LRRC37A3: variants seen among roughly 807,000 people sequenced by gnomAD.
LRRC37A3 encodes leucine rich repeat containing 37 member A3, also known as leucine-rich repeat-containing protein 37A3.
A neutral mutation model predicts 106.2 loss-of-function variants in LRRC37A3; 25 were observed. The observed-to-expected ratio is 0.24, with a 90% CI of 0.17 to 0.33. The LOEUF (loss-of-function observed/expected upper bound fraction) is 0.33. LRRC37A3 is among the 10% of genes least tolerant of loss of function. The probability of loss-of-function intolerance (pLI) is 1.00; values close to 1 mark genes in which losing one functional copy is unlikely to be tolerated. For synonymous variants in LRRC37A3, 305 were observed against 635.8 expected, an observed-to-expected ratio of 0.48 and a Z score of 7.83; for missense variants, 712 against 1,644.9, an observed-to-expected ratio of 0.43 and a Z score of 9.81.
intron 2 of LRRC37A3, among the ~76,000 whole-genome samples, chr17:64,917,716 C>T (rs1367635991): frequency 1.3e-5 from 2 of 152,128 alleles, no homozygotes; most frequent in African/African-American, 2.4e-5. Context: ...CCTGTAATCC[C>T]GGCACTATGG....
rs1351218339 is a variant in LRRC37A3 at position 64,904,775 on chromosome 17, CCAA to C, written c.-495-6319_-495-6317del. On this transcript the variant is annotated intron_variant, in intron 2 of 14. Transcript: ENST00000584306. Reference sequence around the variant, plus strand: ...CTTGTAATCCCAGCACTTTGGGAGGCCAAGGCAGGCAGATCACGAGGTCAGGAG... The same window carrying C: ...CTTGTAATCCCAGCACTTTGGGAGGCGGCAGGCAGATCACGAGGTCAGGAG... Among the ~76,000 whole-genome samples, 4 of 114,692 alleles carry C rather than the reference CCAA, an allele frequency of 3.5e-5. No individual in the cohort carries two copies. In the East Asian group the frequency reaches 8.7e-4, roughly 25 times the overall value. The allele number at this position is 114,692 out of a possible 152,430, so 75.2% of individuals were successfully genotyped here.
chr17:64,868,243 A>AC (rs1973184428), intron 10 of LRRC37A3, among the ~76,000 whole-genome samples: 2 of 152,158 alleles, frequency 1.3e-5, no homozygotes, highest in Non-Finnish European at 2.9e-5. Flanking sequence ...CTACAAAGGG[A>AC]CAGGAGGGGC....
intron 2 of LRRC37A3, among the ~76,000 whole-genome samples, chr17:64,918,423 G>A (rs921527930): frequency 6.6e-6 from 1 of 151,584 alleles, no homozygotes; most frequent in African/African-American, 2.4e-5. Flanking sequence ...AATGGTAAAG[G>A]CAATGTAATT....
At chr17:64,868,178 G>A (rs1188600847) in intron 10 of LRRC37A3, among the ~76,000 whole-genome samples, 1 of 152,168 alleles carries the variant, frequency 6.6e-6, no homozygotes, top group Non-Finnish European at 1.5e-5. Context: ...AAAAGTATAG[G>A]AACAGAAATC....
In LRRC37A3 at chr17:64,870,429, GA is replaced by G. The variant is rs1973274345; in HGVS notation, c.2907-1264del. 2.0e-5 allele frequency among the ~76,000 whole-genome samples: 3 copies of G among 152,198 alleles called. No individual in the cohort carries two copies. The South Asian group carries it at 6.2e-4, about 32-fold the overall frequency. ...CTTTTTAATTCTTTAAGGTGAACAAGAAAAATAAAAGAAACAGGAAGAAATA... is the reference window on the plus strand; with the variant it reads ...CTTTTTAATTCTTTAAGGTGAACAAGAAAATAAAAGAAACAGGAAGAAATA... On this transcript the variant is annotated intron_variant, in intron 8 of 14. Transcript: ENST00000584306.
rs1406387221 is a variant in LRRC37A3 at position 64,868,551 on chromosome 17, C to T, written c.2979-15G>A. The T allele has an allele frequency of 3.1e-6, 5 of 1,599,802 alleles. No homozygotes were observed. Among genetic ancestry groups the T allele is most frequent in the East Asian group, 2.2e-5 (1 of 44,772 alleles). ...TTCCCATGTCTCTGAAGAAGAAAGC[C>T]GAAACATTCATGATATGAGCCCCAA... On this transcript the variant is annotated splice_polypyrimidine_tract_variant and intron_variant, in intron 9 of 14. Transcript: ENST00000584306.
rs764013252 is a variant in LRRC37A3 at position 64,860,229 on chromosome 17, C to T, written c.3917G>A (p.Arg1306His). 1.2e-5 allele frequency: 19 copies of T among 1,613,906 alleles called. No individual in the cohort carries two copies. The East Asian group carries it at 2.5e-4, about 21-fold the overall frequency. ...KPIVHSRKKY[R>H]FHKTRSRMTH... ...CATGCGGGAGCGAGTTTTGTGAAAG[C>T]GGTATTTTTTTCTGGAATGTACGAT... Residue 1306 changes from arginine (R) to histidine (H), a missense_variant, in exon 12 of 15, where the codon CGC becomes CAC. By Grantham distance (29) the Arg-to-His change is conservative. Coordinates refer to ENST00000584306, the MANE Select transcript of LRRC37A3 (RefSeq NM_199340.5).
chr17:64,866,629 T>TATATATATATATATATATATATA (rs71236448), intron 10 of LRRC37A3, among the ~76,000 whole-genome samples: 2 of 12,858 alleles, frequency 1.6e-4, no homozygotes, highest in Non-Finnish European at 2.5e-4. Flanking sequence ...TATATATATA[T>TATATATATATATATATATATATA]TTTTTTTTTT....
At chr17:64,884,340 CGAT>C (rs961581880) in intron 8 of LRRC37A3, among the ~76,000 whole-genome samples, 8 of 150,558 alleles carry the variant, frequency 5.3e-5, no homozygotes, top group South Asian at 4.2e-4. Context: ...TAGATGATGA[CGAT>C]GATGATTATT....
intron 8 of LRRC37A3, among the ~76,000 whole-genome samples, chr17:64,872,513 G>A (rs1050093976): frequency 4.3e-4 from 66 of 152,294 alleles, no homozygotes; most frequent in African/African-American, 1.5e-3. Context: ...TCATTTGAAA[G>A]GTCTGTCTTT....
intron 8 of LRRC37A3, chr17:64,871,631 G>C (rs1449594522): frequency 6.6e-6 from 1 of 151,870 alleles, no homozygotes; most frequent in African/African-American, 2.4e-5. Context: ...TAGGCAACCT[G>C]GTGGTCTCCT....
rs1465056324 is a variant in LRRC37A3, at chr17:64,854,224, T to C, written c.*375A>G. On this transcript the variant is annotated 3_prime_UTR_variant, in exon 15 of 15. Coordinates refer to ENST00000584306, the MANE Select transcript of LRRC37A3 (RefSeq NM_199340.5). ...AACATTCATGCGTGTGCTTGAGGGC[T>C]TGGGAAAAAGACAGGGCTTGGCCCC... The C allele has an allele frequency of 5.9e-6, 2 of 337,414 alleles. No individual in the cohort carries two copies. Among genetic ancestry groups the C allele is most frequent in the African/African-American group, 2.1e-5 (1 of 47,096 alleles). 20.9% of individuals were successfully genotyped at this position (337,414 alleles called of 1,614,324 possible). A position where few individuals can be genotyped will look rare whatever the true frequency, so the allele number is the denominator to read the frequency against.
intron 10 of LRRC37A3, among the ~76,000 whole-genome samples, chr17:64,865,072 C>A (rs1316380120): frequency 1.3e-5 from 2 of 152,206 alleles, no homozygotes; most frequent in Non-Finnish European, 2.9e-5. Context: ...AGCCTCTGAT[C>A]TTCATATGGA....
At chr17:64,856,914 G>A (rs916849445) in intron 13 of LRRC37A3, among the ~76,000 whole-genome samples, 42 of 151,978 alleles carry the variant, frequency 2.8e-4, no homozygotes, top group Non-Finnish European at 4.7e-4. Flanking sequence ...AAGCCCAGGA[G>A]TTTGATGTTA....
intron 8 of LRRC37A3, among the ~76,000 whole-genome samples, chr17:64,884,407 T>G (rs1249651867): frequency 6.6e-6 from 1 of 151,820 alleles, no homozygotes; most frequent in African/African-American, 2.4e-5. Flanking sequence ...ACTCTGTCCC[T>G]CAGGCTGGAG....
intron 8 of LRRC37A3, chr17:64,881,314 C>G (rs1973695851): frequency 1.6e-6 from 1 of 640,160 alleles, no homozygotes; most frequent in Non-Finnish European, 2.8e-6. Flanking sequence ...GTGGTGTGAT[C>G]TTGGCTCACT....
rs184520868 is a variant in LRRC37A3, at chr17:64,860,251, C to T, written c.3895G>A (p.Val1299Ile). Reference protein sequence around the residue: ...VTNMKTSKPIVHSRKKYRFHK... With the variant: ...VTNMKTSKPIIHSRKKYRFHK... ...AAGCGGTATTTTTTTCTGGAATGTA[C>T]GATGGGTTTAGATGTCTTCATATTT... Residue 1299 changes from valine to isoleucine, a missense_variant, in exon 12 of 15, where the codon GTA becomes ATA. By Grantham distance (29) the Val-to-Ile change is conservative. Transcript: ENST00000584306. The T allele has an allele frequency of 7.4e-6, 12 of 1,613,868 alleles. No homozygotes were observed. The highest frequency in any genetic ancestry group is 5.0e-5 in the Admixed American group (3 of 60,002).
intron 8 of LRRC37A3, among the ~76,000 whole-genome samples, chr17:64,883,276 GC>G (rs1973763834): frequency 1.3e-5 from 2 of 151,908 alleles, no homozygotes. Flanking sequence ...TAAGCTCTTG[GC>G]CTGTCTTTGA....
At chr17:64,900,820 A>AT (rs1567783101) in intron 2 of LRRC37A3, 1 of 124,202 alleles carries the variant, frequency 8.1e-6, no homozygotes, top group Non-Finnish European at 1.6e-5. Flanking sequence ...AAAGCAGGAA[A>AT]TAAGCATTTT....
Sources: allele counts gnomAD v4.1 joint callset (sites outside exome capture counted in the v4.1 genomes callset), GRCh38; gene constraint gnomAD v4.1.1; transcripts MANE v1.5; gene names NCBI Gene and HGNC (gene_info 2026-07-23, HGNC 2026-07-21).